SRPK2: variants seen among roughly 807,000 people sequenced by gnomAD.
SRPK2 encodes the protein SRSF protein kinase 2.
SRPK2 carries 21 observed loss-of-function variants against 90.8 expected under a neutral mutation model. The ratio of observed to expected loss-of-function variants is 0.23; its 90% CI spans 0.16 to 0.33. The LOEUF is 0.33. Among genes scored for constraint, SRPK2 ranks in the 10% least tolerant of loss-of-function variants. SRPK2 has a pLI of 1.00. For missense variants in SRPK2, 620 were observed against 869.0 expected (o/e 0.71, Z 3.60); for synonymous variants, 288 against 311.1 (o/e 0.93, Z 0.78).
At chr7:105,390,383 C>T (rs1224962316), upstream of SRPK2, among the ~76,000 whole-genome samples, 1 of 151,834 alleles carries the variant, frequency 6.6e-6, no homozygotes, top group African/African-American at 2.4e-5. Context: ...TTTTTAAACA[C>T]CTTTAGTCTA....
intron 2 of SRPK2, among the ~76,000 whole-genome samples, chr7:105,369,129 TTA>T (rs1311738554): frequency 1.7e-4 from 3 of 18,040 alleles, no homozygotes; most frequent in South Asian, 2.9e-3. Context: ...ATTTATTTTA[TTA>T]TTATTATTAT....
chr7:105,315,472 G>C (rs1297519160), intron 2 of SRPK2, among the ~76,000 whole-genome samples: 1 of 152,128 alleles, frequency 6.6e-6, no homozygotes, highest in Non-Finnish European at 1.5e-5. Context: ...CTTAATACAA[G>C]ACCTGGCACA....
intron 2 of SRPK2, among the ~76,000 whole-genome samples, chr7:105,287,186 G>A (rs1035762658): frequency 2.1e-5 from 3 of 140,934 alleles, no homozygotes; most frequent in African/African-American, 5.3e-5. Flanking sequence ...GCGTGAACCC[G>A]GGAGGCGGAG....
At chr7:105,207,644 G>A (rs989390339) in intron 2 of SRPK2, among the ~76,000 whole-genome samples, 62 of 152,176 alleles carry the variant, frequency 4.1e-4, no homozygotes, top group African/African-American at 1.5e-3. Flanking sequence ...AATAAATAAA[G>A]TTGGACCTCT....
intron 2 of SRPK2, among the ~76,000 whole-genome samples, chr7:105,281,849 G>A (rs1807388638): frequency 6.6e-6 from 1 of 152,144 alleles, no homozygotes; most frequent in Non-Finnish European, 1.5e-5. Flanking sequence ...GTTCGTGGAT[G>A]GGAAGATTTA....
intron 2 of SRPK2, among the ~76,000 whole-genome samples, chr7:105,210,890 G>A (rs768306681): frequency 7.9e-5 from 12 of 152,196 alleles, no homozygotes; most frequent in South Asian, 2.1e-4. Flanking sequence ...AGGAGTGACG[G>A]TGCTCCCTGC....
At chr7:105,239,342 A>ATTCC (rs928449850) in intron 2 of SRPK2, among the ~76,000 whole-genome samples, 1 of 152,230 alleles carries the variant, frequency 6.6e-6, no homozygotes, top group South Asian at 2.1e-4. Context: ...TATAGATAGC[A>ATTCC]TTCCTTCCTT....
At chr7:105,181,208 C>G (rs574084231) in intron 3 of SRPK2, among the ~76,000 whole-genome samples, 13 of 152,196 alleles carry the variant, frequency 8.5e-5, no homozygotes, top group Middle Eastern at 3.4e-3. Flanking sequence ...TAAAAAGTCA[C>G]AAAATTAACA....
intron 2 of SRPK2, among the ~76,000 whole-genome samples, chr7:105,330,728 T>C (rs924056366): frequency 1.3e-5 from 2 of 152,160 alleles, no homozygotes; most frequent in African/African-American, 4.8e-5. Flanking sequence ...GCCTGTAATC[T>C]AGGTGCTTTC....
intron 2 of SRPK2, among the ~76,000 whole-genome samples, chr7:105,245,213 A>C (rs961808650): frequency 3.3e-5 from 5 of 152,198 alleles, no homozygotes; most frequent in African/African-American, 4.8e-5. Flanking sequence ...TTGCGTCTCG[A>C]GCTAGTGGAG....
intron 2 of SRPK2, among the ~76,000 whole-genome samples, chr7:105,305,043 T>C (rs1221181337): frequency 6.6e-6 from 1 of 152,314 alleles, no homozygotes; most frequent in East Asian, 1.9e-4. Context: ...CAGCAATAAA[T>C]ATTATTCAAA....
intron 7 of SRPK2, among the ~76,000 whole-genome samples, chr7:105,156,103 C>T (rs1342430644): frequency 6.6e-6 from 1 of 152,186 alleles, no homozygotes; most frequent in Non-Finnish European, 1.5e-5. Flanking sequence ...AGTGACTTAA[C>T]TTCTACTGGA....
intron 6 of SRPK2, among the ~76,000 whole-genome samples, chr7:105,164,296 C>T (rs1453938127): frequency 6.6e-6 from 1 of 152,198 alleles, no homozygotes; most frequent in Non-Finnish European, 1.5e-5. Flanking sequence ...AATGCTTTAG[C>T]AGGAAAATAC....
intron 2 of SRPK2, among the ~76,000 whole-genome samples, chr7:105,266,447 T>C (rs550065182): frequency 9.1e-4 from 139 of 152,260 alleles, no homozygotes; most frequent in Admixed American, 2.7e-3. Flanking sequence ...CAAAAGATAA[T>C]TCTATATACT....
rs576029993 is a variant in SRPK2 at position 105,358,031 on chromosome 7, C to T, written c.71+30617G>A. On this transcript the variant is annotated intron_variant, in intron 2 of 15. Transcript: ENST00000393651. ...CAAAGGTCAAGAGATCAAGACCATC[C>T]TGACCAACATGGTAAAACCCTGTCT... 2.0e-3 allele frequency among the ~76,000 whole-genome samples: 302 copies of T among 152,038 alleles called. 4 individuals are homozygous for T. The highest frequency in any genetic ancestry group is 6.9e-3 in the African/African-American group (287 of 41,480).
At chr7:105,371,577 C>A in intron 2 of SRPK2, among the ~76,000 whole-genome samples, 2 of 115,088 alleles carry the variant, frequency 1.7e-5, no homozygotes. Flanking sequence ...CAGTGAGACC[C>A]CATCTCTACA....
At chr7:105,353,510 T>TTGC (rs1817449451) in intron 2 of SRPK2, among the ~76,000 whole-genome samples, 1 of 144,796 alleles carries the variant, frequency 6.9e-6, no homozygotes, top group Non-Finnish European at 1.5e-5. Flanking sequence ...CAGTTTGTTG[T>TTGC]TGTTGTTGTT....
At chr7:105,348,016 A>G (rs1816674501) in intron 2 of SRPK2, among the ~76,000 whole-genome samples, 1 of 151,206 alleles carries the variant, frequency 6.6e-6, no homozygotes, top group African/African-American at 2.4e-5. Context: ...AAATTAGTCC[A>G]TACCAGTGAC....
chr7:105,323,754 G>A (rs796727220), intron 2 of SRPK2, among the ~76,000 whole-genome samples: 3 of 152,018 alleles, frequency 2.0e-5, no homozygotes, highest in Non-Finnish European at 2.9e-5. Context: ...TTCCAAAAAG[G>A]TATGGTACTA....
Sources: gnomAD v4.1 joint callset for allele counts (sites outside exome capture counted in the v4.1 genomes callset) on GRCh38, gnomAD v4.1.1 for gene constraint, MANE v1.5 for transcripts, NCBI Gene and HGNC (gene_info 2026-07-23, HGNC 2026-07-21) for gene names.